The following TRAF3 variants were observed in gnomAD, a reference collection of about 807,000 sequenced individuals.
TRAF3 encodes TNF receptor associated factor 3.
TRAF3 carries 13 observed loss-of-function variants against 62.3 expected under a neutral mutation model. The observed-to-expected ratio is 0.21, with a 90% confidence interval of 0.14 to 0.33. The LOEUF is 0.33. TRAF3 is among the 10% of genes least tolerant of loss of function. TRAF3 has a pLI of 1.00. For synonymous variants in TRAF3, 269 were observed against 283.4 expected, an observed-to-expected ratio of 0.95 and a Z score of 0.51; for missense variants, 440 against 741.8, an observed-to-expected ratio of 0.59 and a Z score of 4.73.
intron 2 of TRAF3, among the ~76,000 whole-genome samples, chr14:102,842,932 G>T (rs1293210165): frequency 2.6e-5 from 4 of 152,220 alleles, no homozygotes; most frequent in Admixed American, 2.0e-4. Flanking sequence ...TTTAGGCCAG[G>T]CATGGTAGCT....
At chr14:102,905,187 C>A in intron 11 of TRAF3, 26 bp from the exon 12 acceptor site, 1 of 1,609,672 alleles carries the variant, frequency 6.2e-7, no homozygotes, top group East Asian at 2.2e-5. Flanking sequence ...CTGTCTCATT[C>A]ACCAAACCCT....
At chr14:102,898,485 G>A (rs976353849) in intron 10 of TRAF3, among the ~76,000 whole-genome samples, 5 of 152,218 alleles carry the variant, frequency 3.3e-5, no homozygotes, top group South Asian at 2.1e-4. Context: ...CCACTGCTGC[G>A]GGGCCCTGGC....
chr14:102,889,033 C>A (rs1270515955), intron 7 of TRAF3, among the ~76,000 whole-genome samples: 1 of 152,152 alleles, frequency 6.6e-6, no homozygotes, highest in Non-Finnish European at 1.5e-5. Context: ...CTGGCCCTTA[C>A]AGAGGGAAAA....
intron 1 of TRAF3, among the ~76,000 whole-genome samples, chr14:102,802,486 A>G (rs1408639766): frequency 4.7e-5 from 7 of 148,142 alleles, no homozygotes; most frequent in Admixed American, 4.7e-4. Flanking sequence ...CCAAGAGCAG[A>G]AGTTGTGTTA....
intron 1 of TRAF3, among the ~76,000 whole-genome samples, chr14:102,780,998 G>A (rs778390928): frequency 1.3e-4 from 20 of 152,202 alleles, no homozygotes; most frequent in Non-Finnish European, 2.4e-4. Context: ...TCTCCCACCA[G>A]GAAGAAACCA....
chr14:102,835,469 A>G (rs914520248), intron 2 of TRAF3, among the ~76,000 whole-genome samples: 1 of 152,220 alleles, frequency 6.6e-6, no homozygotes, highest in Admixed American at 6.5e-5. Context: ...CTGCAGCACT[A>G]TTCACAATAG....
At chr14:102,795,999 C>T (rs1454329204) in intron 1 of TRAF3, among the ~76,000 whole-genome samples, 1 of 152,048 alleles carries the variant, frequency 6.6e-6, no homozygotes, top group Non-Finnish European at 1.5e-5. Context: ...GGCGGATCAC[C>T]TGAGGTCAGG....
At chr14:102,887,149 T>G (rs1435301843) in intron 7 of TRAF3, among the ~76,000 whole-genome samples, 1 of 152,270 alleles carries the variant, frequency 6.6e-6, no homozygotes, top group Non-Finnish European at 1.5e-5. Context: ...TCTTAATGTT[T>G]CTGCATCTGT....
At chr14:102,824,540 T>C (rs1052377548) in intron 1 of TRAF3, among the ~76,000 whole-genome samples, 3 of 152,254 alleles carry the variant, frequency 2.0e-5, no homozygotes, top group Non-Finnish European at 4.4e-5. Context: ...TGCCGATTAC[T>C]TGGATTTTTT....
At chr14:102,778,579 G>T (rs760951529) in intron 1 of TRAF3, among the ~76,000 whole-genome samples, 103 of 146,038 alleles carry the variant, frequency 7.1e-4, no homozygotes, top group Middle Eastern at 6.9e-3. Context: ...TGTGATGCGT[G>T]GTGCGTGGTG....
chr14:102,891,844 G>T (rs1050792029), intron 9 of TRAF3, among the ~76,000 whole-genome samples: 2 of 152,048 alleles, frequency 1.3e-5, no homozygotes, highest in Non-Finnish European at 2.9e-5. Flanking sequence ...TGACTACTTG[G>T]CTCTTTACAG....
chr14:102,890,117 T>C (rs989808554), intron 8 of TRAF3, among the ~76,000 whole-genome samples: 1 of 152,224 alleles, frequency 6.6e-6, no homozygotes, highest in Non-Finnish European at 1.5e-5. Flanking sequence ...AGACGCAAAA[T>C]GGAGCACAGC....
chr14:102,827,286 G>A (rs922749841), intron 1 of TRAF3, among the ~76,000 whole-genome samples: 11 of 152,174 alleles, frequency 7.2e-5, no homozygotes, highest in Non-Finnish European at 7.3e-5. Context: ...CTAGAGCACC[G>A]GTGCCCGCCC....
rs1210624120 is a variant in TRAF3, at chr14:102,903,007, C to T, written c.961-248C>T. 8 of 564,794 alleles carry T rather than the reference C, an allele frequency of 1.4e-5. No individual in the cohort carries two copies. In the East Asian group the frequency reaches 2.6e-4, roughly 18 times the overall value. The allele number at this position is 564,794 out of a possible 1,614,324, so 35.0% of individuals were successfully genotyped here. The stretch of plus-strand genomic sequence containing the variant: ...AAGCAAGCTGACTTAGTGGAGCCTC[C>T]TGTTGTTTTCTTCCATGTGGCTTCA... On this transcript the variant is annotated intron_variant, in intron 10 of 11. Transcript: ENST00000392745. This position sits in a 1 kb window ranked among gnomAD's most constrained non-coding sequence, Gnocchi z 6.4.
At chr14:102,830,941 A>G (rs993648157) in intron 2 of TRAF3, among the ~76,000 whole-genome samples, 2 of 152,242 alleles carry the variant, frequency 1.3e-5, no homozygotes, top group Admixed American at 1.3e-4. Context: ...TACAAGTAAT[A>G]AGAGGTTCGG....
At chr14:102,891,228 T>G in intron 8 of TRAF3, 97 bp from the exon 9 acceptor site, 1 of 1,162,240 alleles carries the variant, frequency 8.6e-7, no homozygotes, top group Non-Finnish European at 1.2e-6. Context: ...GTCTCCCCTC[T>G]TTGTGTTTAG....
chr14:102,904,679 G>A (rs963505121), intron 11 of TRAF3, among the ~76,000 whole-genome samples: 10 of 151,652 alleles, frequency 6.6e-5, no homozygotes, highest in Non-Finnish European at 1.2e-4. Flanking sequence ...GCATGGTGGC[G>A]GGCGCCTGTA....
chr14:102,870,285 G>A lies in TRAF3; in HGVS notation c.84G>A (p.Gly28=). ...PLKLHTDRSA[G]TPVFVPEQGG... The stretch of plus-strand genomic sequence containing the variant: ...AGCTGCACACTGACCGCAGTGCTGG[G>A]ACGCCAGTTTTTGTCCCTGAACAAG... The change falls in exon 3 of 12, where the codon GGG becomes GGA. Residue 28 remains glycine (G), a synonymous_variant. Transcript: ENST00000392745. The A allele has an allele frequency of 6.2e-7, 1 of 1,614,236 alleles. No individual in the cohort carries two copies. Among genetic ancestry groups the A allele is most frequent in the African/African-American group, 1.3e-5 (1 of 75,054 alleles).
intron 2 of TRAF3, among the ~76,000 whole-genome samples, chr14:102,849,408 G>C (rs989487750): frequency 6.6e-6 from 1 of 152,336 alleles, no homozygotes; most frequent in Middle Eastern, 3.4e-3. Flanking sequence ...GACTCTGGTC[G>C]TGGGCCAAAA....
Sources: allele counts gnomAD v4.1 joint callset (sites outside exome capture counted in the v4.1 genomes callset), GRCh38; gene constraint gnomAD v4.1.1; non-coding constraint Gnocchi (gnomAD v3.1); transcripts MANE v1.5; gene names NCBI Gene and HGNC (gene_info 2026-07-23, HGNC 2026-07-21).